Variants in POLD1 observed in about 807,000 individuals in gnomAD.
The protein encoded by POLD1 is DNA polymerase delta catalytic subunit.
POLD1 carries 79 observed loss-of-function variants against 129.7 expected under a neutral mutation model. The observed-to-expected ratio is 0.61, with a 90% CI of 0.51 to 0.73. POLD1 has a LOEUF of 0.73. POLD1 is among the 30% of genes least tolerant of loss of function. POLD1 has a pLI of 0.00. For missense variants in POLD1, 1,338 were observed against 1,595.8 expected, an observed-to-expected ratio of 0.84 and a Z score of 2.75; for synonymous variants, 714 against 683.3, an observed-to-expected ratio of 1.04 and a Z score of -0.70.
chr19:50,401,708 C>T (rs911910303), intron 3 of POLD1, 70 bp from the exon 4 acceptor site: 17 of 1,551,690 alleles, frequency 1.1e-5, no homozygotes, highest in Middle Eastern at 1.9e-4. Flanking sequence ...CAAGGTATTT[C>T]GAGGCTGTGG....
At chr19:50,386,219 C>A (rs567866253) in intron 1 of POLD1, among the ~76,000 whole-genome samples, 1 of 152,080 alleles carries the variant, frequency 6.6e-6, no homozygotes, top group East Asian at 1.9e-4. Context: ...GGCTCACTAA[C>A]CTCCACCTCC....
chr19:50,388,963 G>A (rs1187414641), intron 1 of POLD1, among the ~76,000 whole-genome samples: 2 of 150,686 alleles, frequency 1.3e-5, no homozygotes, highest in African/African-American at 4.9e-5. Flanking sequence ...TTCCTGAGTA[G>A]CTGGGACTAT....
In POLD1 at chr19:50,402,376, A is replaced by G. The variant is rs2122247168; in HGVS notation, c.758+3A>G. 6.2e-7 allele frequency: 1 copy of G among 1,612,986 alleles called. No individual in the cohort carries two copies. The highest frequency in any genetic ancestry group is 8.5e-7 in the Non-Finnish European group (1 of 1,179,172). On this transcript the variant is annotated splice_donor_region_variant and intron_variant, in intron 6 of 26. Coordinates refer to ENST00000440232, the MANE Select transcript of POLD1 (RefSeq NM_002691.4). Reference sequence around the variant, plus strand: ...GCCAACGTCGACTTTGAGATCCGGTACGGCCTCTGCCTCACTTCTCCGGCC... The same window carrying G: ...GCCAACGTCGACTTTGAGATCCGGTGCGGCCTCTGCCTCACTTCTCCGGCC...
At chr19:50,387,222 C>G (rs572997274) in intron 1 of POLD1, among the ~76,000 whole-genome samples, 55 of 152,238 alleles carry the variant, frequency 3.6e-4, no homozygotes, top group African/African-American at 1.3e-3. Context: ...GAGGCTGAGG[C>G]AGGAGAATCA....
rs1466617082 is a variant in POLD1, at chr19:50,403,562, C to A, written c.1207C>A (p.Leu403Ile). The change falls in exon 10 of 27, where the codon CTT (leucine) becomes ATT (isoleucine). Residue 403 changes from leucine (L) to isoleucine (I), a missense_variant. This residue lies in a region of POLD1 where 720 missense variants were observed against 1,002.6 expected (regional missense o/e 0.72). Transcript: ENST00000440232. ...CGGTTACAACATCCAGAACTTCGAC[C>A]TTCCGTACCTCATCTCTCGGGCCCA... is the stretch of plus-strand genomic sequence containing the variant. ...ITGYNIQNFD[L>I]PYLISRAQTL... 6.2e-7 allele frequency: 1 copy of A among 1,613,824 alleles called. No homozygotes were observed. Among genetic ancestry groups the A allele is most frequent in the East Asian group, 2.2e-5 (1 of 44,882 alleles).
chr19:50,402,226 A>G lies in POLD1; in HGVS notation c.611A>G (p.His204Arg), dbSNP rs1568619926. 6.3e-7 allele frequency: 1 copy of G among 1,587,560 alleles called. No homozygotes were observed. The highest frequency in any genetic ancestry group is 8.6e-7 in the Non-Finnish European group (1 of 1,165,820). ...SRESMFGYHGHGPSPFLRITV... is the reference protein window; with the variant it reads ...SRESMFGYHGRGPSPFLRITV... ...ACAGGCATGTTTGGGTACCACGGGC[A>G]CGGCCCCTCCCCGTTCCTGCGCATC... The change falls in exon 6 of 27, where the codon CAC becomes CGC. Residue 204 changes from histidine to arginine, a missense_variant. Coordinates refer to ENST00000440232, the MANE Select transcript of POLD1 (RefSeq NM_002691.4).
intron 1 of POLD1, among the ~76,000 whole-genome samples, chr19:50,388,854 A>G (rs1319972609): frequency 1.1e-5 from 1 of 88,652 alleles, no homozygotes; most frequent in East Asian, 3.3e-4. Flanking sequence ...TTTTTTTGAG[A>G]CGGAGTCTTG....
In POLD1 at chr19:50,403,587, A is replaced by G. The variant is rs1378154786; in HGVS notation, c.1232A>G (p.Gln411Arg). The G allele has an allele frequency of 6.2e-7, 1 of 1,610,354 alleles. No homozygotes were observed. Among genetic ancestry groups the G allele is most frequent in the East Asian group, 2.2e-5 (1 of 44,854 alleles). The change falls in exon 10 of 27, where the codon CAG becomes CGG. Residue 411 changes from glutamine (Q) to arginine (R), a missense_variant. Around this residue, in one of 3 missense-constraint regions of POLD1, gnomAD observed 720 missense variants for 1,002.6 expected, o/e 0.72. Transcript: ENST00000440232. ...FDLPYLISRA[Q>R]TLKVQTFPFL... The stretch of plus-strand genomic sequence containing the variant: ...CTTCCGTACCTCATCTCTCGGGCCC[A>G]GACCCTCAAGGTGAGGGCTGGGCAG...
At position 50,397,634 on chromosome 19, in the gene POLD1, A is replaced by T. The variant is rs547564154; in HGVS notation, c.-1-1217A>T. 9.2e-5 allele frequency among the ~76,000 whole-genome samples: 14 copies of T among 151,410 alleles called. 1 individual carries two copies. Among genetic ancestry groups the T allele is most frequent in the African/African-American group, 3.4e-4 (14 of 41,262 alleles). ...TGGTCAGGCTGGTCTCGAACTCCTGACCTCGTGATCCGCCCACCTTGGCCT... is the reference window on the plus strand; with the variant it reads ...TGGTCAGGCTGGTCTCGAACTCCTGTCCTCGTGATCCGCCCACCTTGGCCT... On this transcript the variant is annotated intron_variant, in intron 1 of 26. Coordinates refer to ENST00000440232, the MANE Select transcript of POLD1 (RefSeq NM_002691.4).
At chr19:50,400,515 C>G (rs1377379104) in intron 3 of POLD1, among the ~76,000 whole-genome samples, 1 of 145,654 alleles carries the variant, frequency 6.9e-6, no homozygotes, top group Non-Finnish European at 1.5e-5. Flanking sequence ...GTAACTGTGC[C>G]CCGCCTATTT....
chr19:50,417,671 T>TCCCC (rs3840923), intron 26 of POLD1, among the ~76,000 whole-genome samples, 171 bp from the exon 27 acceptor site: 29 of 110,506 alleles, frequency 2.6e-4, no homozygotes, highest in African/African-American at 1.2e-3. Flanking sequence ...TGTTATCGGC[T>TCCCC]CCCCCCCCCC....
In POLD1 at chr19:50,391,816, G is replaced by A. The variant is rs186090767; in HGVS notation, c.-1-7035G>A. On this transcript the variant is annotated intron_variant, in intron 1 of 26. Transcript: ENST00000440232. The stretch of plus-strand genomic sequence containing the variant: ...CAACCTCCGCCTCCCAGGTTCAAGC[G>A]ATTCTCCTGCCTCAGCCTCCCAAGT... 1.7e-3 allele frequency among the ~76,000 whole-genome samples: 264 copies of A among 152,188 alleles called. 2 individuals carry two copies. The highest frequency in any genetic ancestry group is 5.8e-3 in the African/African-American group (242 of 41,538).
intron 1 of POLD1, among the ~76,000 whole-genome samples, chr19:50,389,894 T>TTGTTTTTTG (rs1323459766): frequency 6.6e-6 from 1 of 150,590 alleles, no homozygotes; most frequent in Admixed American, 6.6e-5. Context: ...CCTGTTTTTT[T>TTGTTTTTTG]TTTTGTTTTT....
intron 2 of POLD1, 28 bp downstream of exon 2, chr19:50,399,081 T>A: frequency 1.3e-6 from 2 of 1,550,522 alleles, no homozygotes; most frequent in Non-Finnish European, 1.7e-6. Context: ...AGGTTCCTGC[T>A]GCCCAACCCA....
intron 3 of POLD1, among the ~76,000 whole-genome samples, chr19:50,400,382 G>A (rs893702101): frequency 2.0e-5 from 3 of 149,840 alleles, no homozygotes; most frequent in African/African-American, 4.9e-5. Flanking sequence ...CATCACGCCC[G>A]GCTAATTTTT....
At chr19:50,391,201 T>G (rs1267025167) in intron 1 of POLD1, among the ~76,000 whole-genome samples, 1 of 150,922 alleles carries the variant, frequency 6.6e-6, no homozygotes, top group African/African-American at 2.5e-5. Context: ...GAGACGCTCC[T>G]CACTTCCTAG....
At position 50,414,914 on chromosome 19, in the gene POLD1, G is replaced by T; in HGVS notation, c.2488G>T (p.Glu830Ter). 2 of 1,610,506 alleles carry T rather than the reference G, an allele frequency of 1.2e-6. No homozygotes were observed. The highest frequency in any genetic ancestry group is 1.7e-6 in the Non-Finnish European group (2 of 1,177,758). The change falls in exon 20 of 27, where the codon GAG becomes TAG. Residue 830 changes from glutamate (E) to a stop codon, truncating the protein, a stop_gained. Coordinates refer to ENST00000440232, the MANE Select transcript of POLD1 (RefSeq NM_002691.4). LOFTEE classifies it high-confidence loss of function. ...AHDRMDCKGL[E>*]AVRRDNCPLV... ...CGACCGCATGGACTGCAAGGGCCTG[G>T]AGGCCGTGCGCAGGGACAACTGCCC...
At chr19:50,417,713 G>A (rs941685250) in intron 26 of POLD1, 129 bp from the exon 27 acceptor site, 8 of 136,950 alleles carry the variant, frequency 5.8e-5, no homozygotes, top group East Asian at 5.7e-4. Flanking sequence ...CAAACAGCCC[G>A]CTGCGGGAGG....
chr19:50,413,643 C>T, intron 18 of POLD1, 99 bp from the exon 19 acceptor site: 1 of 1,541,108 alleles, frequency 6.5e-7, no homozygotes, highest in Non-Finnish European at 8.8e-7. Context: ...CTGTTGCATC[C>T]TTGGGTCCCG....
Sources: allele counts gnomAD v4.1 joint callset (sites outside exome capture counted in the v4.1 genomes callset), GRCh38; gene constraint gnomAD v4.1.1; regional missense constraint gnomAD v4.1.1; transcripts MANE v1.5; gene names NCBI Gene and HGNC (gene_info 2026-07-23, HGNC 2026-07-21).